ZBTB44: variants seen among roughly 807,000 people sequenced by gnomAD.
The protein encoded by ZBTB44 is zinc finger and BTB domain-containing protein 44.
Under a neutral mutation model 54.0 loss-of-function variants are expected in ZBTB44, and 15 were observed. The ratio of observed to expected loss-of-function variants is 0.28; its 90% confidence interval spans 0.19 to 0.43. The LOEUF (loss-of-function observed/expected upper bound fraction) is 0.43. Ranked by LOEUF, ZBTB44 falls within the 20% of genes least tolerant of loss-of-function variation. ZBTB44 has a pLI of 1.00. For synonymous variants in ZBTB44, 230 were observed against 250.1 expected (o/e 0.92, Z 0.76); for missense variants, 487 against 707.1 (o/e 0.69, Z 3.53).
At chr11:130,298,849 A>T (rs1314830411) in intron 1 of ZBTB44, among the ~76,000 whole-genome samples, 2 of 151,942 alleles carry the variant, frequency 1.3e-5, no homozygotes, top group Admixed American at 6.6e-5. Flanking sequence ...ACACACACAC[A>T]CACACACACA....
chr11:130,300,040 G>A (rs1342789591), intron 1 of ZBTB44, among the ~76,000 whole-genome samples: 1 of 152,172 alleles, frequency 6.6e-6, no homozygotes, highest in African/African-American at 2.4e-5. Flanking sequence ...CATTATGCGA[G>A]TGAAATAAAC....
At chr11:130,234,371 C>A in intron 5 of ZBTB44, 98 bp from the exon 6 acceptor site, 1 of 1,221,696 alleles carries the variant, frequency 8.2e-7, no homozygotes, top group Non-Finnish European at 1.1e-6. Flanking sequence ...AAAATTGGGA[C>A]TCTTCATTTC....
chr11:130,248,306 G>A (rs1050426186), intron 2 of ZBTB44, among the ~76,000 whole-genome samples: 3 of 152,162 alleles, frequency 2.0e-5, no homozygotes, highest in Admixed American at 1.3e-4. Context: ...AGATTGGTTT[G>A]TTGAGAGTGA....
At chr11:130,242,037 G>A (rs1268469707) in intron 2 of ZBTB44, among the ~76,000 whole-genome samples, 1 of 152,096 alleles carries the variant, frequency 6.6e-6, no homozygotes, top group African/African-American at 2.4e-5. Context: ...AAAGTTCTCT[G>A]CCCTTGTTCA....
intron 1 of ZBTB44, among the ~76,000 whole-genome samples, chr11:130,292,549 T>C (rs1324456822): frequency 2.6e-5 from 4 of 152,184 alleles, no homozygotes; most frequent in African/African-American, 4.8e-5. Context: ...AAAGTGTGCA[T>C]TGAAAAATTG....
chr11:130,287,269 A>G (rs969282305), intron 1 of ZBTB44, among the ~76,000 whole-genome samples: 1 of 152,130 alleles, frequency 6.6e-6, no homozygotes, highest in African/African-American at 2.4e-5. Context: ...CTCCCTTCAC[A>G]GCCAAGTTTA....
intron 5 of ZBTB44, 87 bp from the exon 6 acceptor site, chr11:130,234,360 C>A: frequency 7.6e-7 from 1 of 1,308,634 alleles, no homozygotes; most frequent in Non-Finnish European, 1.0e-6. Context: ...ATTTATACAA[C>A]AAAATTGGGA....
At chr11:130,240,083 C>A (rs1954293970) in intron 2 of ZBTB44, among the ~76,000 whole-genome samples, 187 bp from the exon 3 acceptor site, 2 of 150,118 alleles carry the variant, frequency 1.3e-5, no homozygotes, top group South Asian at 4.2e-4. Flanking sequence ...GCTCTGTCGC[C>A]CAGGCTGGAG....
At chr11:130,257,803 T>G (rs1374191616) in intron 2 of ZBTB44, among the ~76,000 whole-genome samples, 1 of 152,220 alleles carries the variant, frequency 6.6e-6, no homozygotes, top group East Asian at 1.9e-4. Flanking sequence ...TAGTGGCTTT[T>G]CTTCTATCCC....
At chr11:130,308,247 C>T (rs895751455) in intron 1 of ZBTB44, among the ~76,000 whole-genome samples, 3 of 152,194 alleles carry the variant, frequency 2.0e-5, no homozygotes, top group Admixed American at 1.3e-4. Context: ...TACAATGACA[C>T]AATCGCCTAA....
intron 5 of ZBTB44, 125 bp from the exon 6 acceptor site, chr11:130,234,398 A>G: frequency 1.8e-6 from 2 of 1,083,802 alleles, no homozygotes; most frequent in South Asian, 2.2e-5. Flanking sequence ...TGTTCAGTGA[A>G]GATTAAAACT....
At position 130,294,335 on chromosome 11, in the gene ZBTB44, C is replaced by T. The variant is rs185506335; in HGVS notation, c.-57+20040G>A. 3.0e-3 allele frequency among the ~76,000 whole-genome samples: 456 copies of T among 151,972 alleles called. 4 individuals are homozygous for T. The highest frequency in any genetic ancestry group is 0.011 in the African/African-American group (442 of 41,452). ...CCTGAGGCACAAGAATTGCTTGAACCTGGGGGGCAGAAGTTGCAGTGAGCT... is the reference window on the plus strand; with the variant it reads ...CCTGAGGCACAAGAATTGCTTGAACTTGGGGGGCAGAAGTTGCAGTGAGCT... On this transcript the variant is annotated intron_variant, in intron 1 of 7. Coordinates refer to ENST00000357899, the MANE Select transcript of ZBTB44 (RefSeq NM_001301098.2).
chr11:130,307,177 C>T (rs1162877703), intron 1 of ZBTB44, among the ~76,000 whole-genome samples: 2 of 152,010 alleles, frequency 1.3e-5, no homozygotes, highest in Non-Finnish European at 1.5e-5. Flanking sequence ...GTAATCCCAG[C>T]ACTTTGGGAG....
At position 130,234,165 on chromosome 11, in the gene ZBTB44, G is replaced by C; in HGVS notation, c.1677C>G (p.Val559=). 5.2e-6 allele frequency: 8 copies of C among 1,543,862 alleles called. No individual in the cohort carries two copies. The highest frequency in any genetic ancestry group is 7.0e-6 in the Non-Finnish European group (8 of 1,143,564). The stretch of plus-strand genomic sequence containing the variant: ...TCTGGGTTGAGGAGACCTGTGAAAT[G>C]ACAGGCATTTGAACAGAGGAGTTGC... The part of the protein sequence containing the change: ...FESNSSVQMP[V]ISQYHSKGKE... The change falls in exon 6 of 8, where the codon GTC becomes GTG. Residue 559 remains valine (V), a synonymous_variant. Coordinates refer to ENST00000357899, the MANE Select transcript of ZBTB44 (RefSeq NM_001301098.2).
chr11:130,259,671 G>C (rs985870063), intron 2 of ZBTB44, among the ~76,000 whole-genome samples: 1 of 152,014 alleles, frequency 6.6e-6, no homozygotes, highest in Non-Finnish European at 1.5e-5. Flanking sequence ...GATGAAGCTG[G>C]AAACCATCAT....
chr11:130,300,577 C>T (rs1941935335), intron 1 of ZBTB44, among the ~76,000 whole-genome samples: 1 of 151,922 alleles, frequency 6.6e-6, no homozygotes, highest in Non-Finnish European at 1.5e-5. Context: ...GAAGGGAAAC[C>T]TGTGAAAGAG....
intron 2 of ZBTB44, among the ~76,000 whole-genome samples, chr11:130,260,145 G>C: frequency 6.6e-6 from 1 of 152,138 alleles, no homozygotes; most frequent in East Asian, 1.9e-4. Context: ...TACAGCCTGC[G>C]CTCAACCACT....
chr11:130,251,089 G>C (rs73587076), intron 2 of ZBTB44, among the ~76,000 whole-genome samples: 1 of 152,066 alleles, frequency 6.6e-6, no homozygotes, highest in South Asian at 2.1e-4. Context: ...ACCCGTTTAC[G>C]GAAGAACATA....
chr11:130,233,149 A>G (rs1020542424), intron 7 of ZBTB44, 159 bp downstream of exon 7: 1 of 783,878 alleles, frequency 1.3e-6, no homozygotes, highest in African/African-American at 1.8e-5. Context: ...TTTATATGGC[A>G]GCACGCCAAT....
Sources: allele counts gnomAD v4.1 joint callset (sites outside exome capture counted in the v4.1 genomes callset), GRCh38; gene constraint gnomAD v4.1.1; transcripts MANE v1.5; gene names NCBI Gene and HGNC (gene_info 2026-07-23, HGNC 2026-07-21).